Variants in SLC4A1 observed in about 807,000 individuals in gnomAD.
SLC4A1 encodes the protein solute carrier family 4 member 1 (Diego blood group), also known as band 3 anion transport protein.
Under a neutral mutation model 93.1 loss-of-function variants are expected in SLC4A1, and 29 were observed. The observed-to-expected ratio is 0.31, with a 90% confidence interval of 0.23 to 0.42. The LOEUF (loss-of-function observed/expected upper bound fraction) is 0.42, where lower values mean the gene tolerates loss of function less well. SLC4A1 is among the 20% of genes least tolerant of loss of function. The pLI, the probability that SLC4A1 is intolerant of heterozygous loss-of-function variation, is 1.00. For missense variants in SLC4A1, 965 were observed against 1,190.1 expected, an observed-to-expected ratio of 0.81 and a Z score of 2.78; for synonymous variants, 469 against 497.2, an observed-to-expected ratio of 0.94 and a Z score of 0.76.
chr17:44,255,267 G>A lies in SLC4A1; in HGVS notation c.1830C>T (p.Val610=). The part of the protein sequence containing the change: ...KLRRVIGDFG[V]PISILIMVLV... ...GGACCATGATCAGGATGGAGATGGG[G>A]ACCCCGAAGTCCCCGATGACCCGAC... The change falls in exon 15 of 20, where the codon GTC becomes GTT. Residue 610 remains valine (V), a synonymous_variant. Transcript: ENST00000262418. The A allele has an allele frequency of 6.4e-7, 1 of 1,557,736 alleles. No individual in the cohort carries two copies. The highest frequency in any genetic ancestry group is 8.7e-7 in the Non-Finnish European group (1 of 1,150,078).
At chr17:44,251,640 G>A in intron 17 of SLC4A1, 52 bp from the exon 18 acceptor site, 2 of 1,579,716 alleles carry the variant, frequency 1.3e-6, no homozygotes, top group Non-Finnish European at 8.7e-7. Context: ...CCTGGCACCA[G>A]TGGGGGGTCA....
chr17:44,257,590 C>T, intron 12 of SLC4A1, 46 bp from the exon 13 acceptor site: 2 of 1,613,188 alleles, frequency 1.2e-6, no homozygotes, highest in Non-Finnish European at 1.7e-6. Flanking sequence ...GGTCTTGGGG[C>T]AAGGCACCAT....
At chr17:44,252,284 G>A (rs2047350200) in intron 17 of SLC4A1, among the ~76,000 whole-genome samples, 4 of 151,996 alleles carry the variant, frequency 2.6e-5, no homozygotes, top group African/African-American at 7.3e-5. Context: ...ACCTGCCTCA[G>A]TCTCCCAAAG....
At chr17:44,265,202 T>C (rs1471967398) in intron 1 of SLC4A1, among the ~76,000 whole-genome samples, 1 of 151,664 alleles carries the variant, frequency 6.6e-6, no homozygotes, top group Non-Finnish European at 1.5e-5. Context: ...GGAGGCAAAC[T>C]GGGAACACAG....
chr17:44,258,348 G>A lies in SLC4A1; in HGVS notation c.1087+65C>T. 6.6e-7 allele frequency: 1 copy of A among 1,514,706 alleles called. No individual in the cohort carries two copies. The highest frequency in any genetic ancestry group is 2.3e-5 in the East Asian group (1 of 44,346). 93.8% of individuals were successfully genotyped at this position (1,514,706 alleles called of 1,614,324 possible). On this transcript the variant is annotated intron_variant, in intron 10 of 19. Transcript: ENST00000262418. The surrounding 1 kb of genome is among the most constrained non-coding windows in gnomAD (Gnocchi z 6.1). Reference sequence around the variant, plus strand: ...AGGGGAACATGTGATGGGAGACAGAGGCTACGCTGAGGTGTCTGGGGGTCG... The same window carrying A: ...AGGGGAACATGTGATGGGAGACAGAAGCTACGCTGAGGTGTCTGGGGGTCG...
intron 17 of SLC4A1, 50 bp downstream of exon 17, chr17:44,253,068 G>C: frequency 1.3e-6 from 2 of 1,594,060 alleles, no homozygotes; most frequent in Non-Finnish European, 1.7e-6. Flanking sequence ...GGAAGGGGCC[G>C]GGGGTGAGGG....
intron 15 of SLC4A1, 149 bp downstream of exon 15, chr17:44,255,058 A>G (rs1349677901): frequency 1.2e-5 from 8 of 692,844 alleles, no homozygotes; most frequent in Non-Finnish European, 2.1e-5. Context: ...TGAGAAGCAC[A>G]TGGGACTCCC....
At chr17:44,255,335 C>A (rs1329092234) in intron 14 of SLC4A1, 39 bp from the exon 15 acceptor site, 1 of 1,455,378 alleles carries the variant, frequency 6.9e-7, no homozygotes, top group South Asian at 1.2e-5. Flanking sequence ...AGTGCCCAGT[C>A]ACTCCCCACC....
intron 1 of SLC4A1, among the ~76,000 whole-genome samples, chr17:44,263,921 C>T (rs909859032): frequency 6.6e-6 from 1 of 151,876 alleles, no homozygotes; most frequent in African/African-American, 2.4e-5. Context: ...AGGCATGCCA[C>T]AGTGCCCAGG....
chr17:44,251,681 A>G, intron 17 of SLC4A1, 93 bp from the exon 18 acceptor site: 1 of 1,019,336 alleles, frequency 9.8e-7, no homozygotes, highest in Non-Finnish European at 1.5e-6. Flanking sequence ...AATAAAACAC[A>G]GGCACCATAT....
In SLC4A1 at chr17:44,253,387, G is replaced by T. The variant is rs372253617; in HGVS notation, c.2058-16C>A. The T allele has an allele frequency of 7.4e-5, 119 of 1,605,502 alleles. 1 individual carries two copies. The highest frequency in any genetic ancestry group is 9.6e-5 in the Non-Finnish European group (113 of 1,174,096). ...GACAATCAGCCTACGGTAGGGGAAG[G>T]TGAGGGGTAAGCAGGGTTCTCCCCT... is the stretch of plus-strand genomic sequence containing the variant. On this transcript the variant is annotated splice_polypyrimidine_tract_variant and intron_variant, in intron 16 of 19. Coordinates refer to ENST00000262418, the MANE Select transcript of SLC4A1 (RefSeq NM_000342.4).
Position 44,258,334 on chromosome 17 carries a change from T to A in SLC4A1, c.1087+79A>T. The A allele has an allele frequency of 6.8e-6, 10 of 1,460,850 alleles. No homozygotes were observed. The highest frequency in any genetic ancestry group is 9.6e-6 in the Non-Finnish European group (10 of 1,042,814). 90.5% of individuals were successfully genotyped at this position (1,460,850 alleles called of 1,614,324 possible). On this transcript the variant is annotated intron_variant, in intron 10 of 19. Coordinates refer to ENST00000262418, the MANE Select transcript of SLC4A1 (RefSeq NM_000342.4). The surrounding 1 kb of genome is among the most constrained non-coding windows in gnomAD (Gnocchi z 6.1). ...AAGGGAGCGATGAGAGGGGAACATG[T>A]GATGGGAGACAGAGGCTACGCTGAG...
At position 44,251,253 on chromosome 17, in the gene SLC4A1, G is replaced by T. The variant is rs2285644; in HGVS notation, c.2561C>A (p.Pro854Gln). 6.2e-7 allele frequency: 1 copy of T among 1,614,206 alleles called. No individual in the cohort carries two copies. The highest frequency in any genetic ancestry group is 1.7e-5 in the Admixed American group (1 of 60,014). The part of the protein sequence containing the change: ...LAVLWVVKST[P>Q]ASLALPFVLI... Reference sequence around the variant, plus strand: ...GACGAAGGGCAGGGCCAGGGAGGCCGGCGTGGACTTCACCACCCACAGCAC... The same window carrying T: ...GACGAAGGGCAGGGCCAGGGAGGCCTGCGTGGACTTCACCACCCACAGCAC... Residue 854 changes from proline to glutamine, a missense_variant, in exon 19 of 20, where the codon CCG becomes CAG. Physicochemically the swap from Pro to Gln is moderately conservative, Grantham distance 76. Coordinates refer to ENST00000262418, the MANE Select transcript of SLC4A1 (RefSeq NM_000342.4).
Position 44,255,198 on chromosome 17 carries a change from A to C in SLC4A1, c.1890+9T>G, listed in dbSNP as rs1234759245. The C allele has an allele frequency of 1.3e-6, 2 of 1,546,940 alleles. No individual in the cohort carries two copies. The highest frequency in any genetic ancestry group is 4.8e-5 in the East Asian group (2 of 41,392). ...GTATCATGGTCTGAGGGCTGGGAGG[A>C]GGGGTCACCTGGGTGTAGGTATCCT... On this transcript the variant is annotated intron_variant, in intron 15 of 19. Coordinates refer to ENST00000262418, the MANE Select transcript of SLC4A1 (RefSeq NM_000342.4).
At chr17:44,262,804 C>G in intron 2 of SLC4A1, 48 bp downstream of exon 2, 1 of 1,609,182 alleles carries the variant, frequency 6.2e-7, no homozygotes, top group Non-Finnish European at 8.5e-7. Flanking sequence ...AGGACCAGGT[C>G]CCCAGAGCCT....
Position 44,258,435 on chromosome 17 carries a change from G to A in SLC4A1, c.1065C>T (p.Asp355=), listed in dbSNP as rs140406232. The A allele has an allele frequency of 8.2e-5, 132 of 1,613,994 alleles. No homozygotes were observed. The highest frequency in any genetic ancestry group is 1.6e-4 in the Middle Eastern group (1 of 6,082). ...TACCTAGGCCCTTGTAGAAGCTGGA[G>A]TCTGGCTTGGCAGGGCTGGACTGAT... The part of the protein sequence containing the change: ...RRYQSSPAKP[D]SSFYKGLDLN... The change falls in exon 10 of 20, where the codon GAC becomes GAT. Residue 355 remains aspartate (D), a synonymous_variant. Coordinates refer to ENST00000262418, the MANE Select transcript of SLC4A1 (RefSeq NM_000342.4). This position sits in a 1 kb window ranked among gnomAD's most constrained non-coding sequence, Gnocchi z 6.1.
intron 15 of SLC4A1, 42 bp downstream of exon 15, chr17:44,255,165 C>T: frequency 7.1e-7 from 1 of 1,400,802 alleles, no homozygotes; most frequent in Non-Finnish European, 9.9e-7. Flanking sequence ...GAAATGAGGA[C>T]CTGGGGGGTA....
In SLC4A1 at chr17:44,253,367, T is replaced by C. The variant is rs5022; in HGVS notation, c.2062A>G (p.Ile688Val). ...IFLESQITTLIVSKPERKMVK... is the reference protein window; with the variant it reads ...IFLESQITTLVVSKPERKMVK... Reference sequence around the variant, plus strand: ...ATCTTGCGCTCAGGTTTGCTGACAATCAGCCTACGGTAGGGGAAGGTGAGG... The same window carrying C: ...ATCTTGCGCTCAGGTTTGCTGACAACCAGCCTACGGTAGGGGAAGGTGAGG... Residue 688 changes from isoleucine to valine, a missense_variant, in exon 17 of 20, where the codon ATT (isoleucine) becomes GTT (valine). Physicochemically the swap from Ile to Val is conservative, Grantham distance 29. Coordinates refer to ENST00000262418, the MANE Select transcript of SLC4A1 (RefSeq NM_000342.4). The C allele has an allele frequency of 1.9e-6, 3 of 1,611,548 alleles. No individual in the cohort carries two copies. In the African/African-American group the frequency reaches 4.0e-5, roughly 22 times the overall value.
chr17:44,260,383 G>A, intron 6 of SLC4A1, 21 bp downstream of exon 6: 1 of 1,606,558 alleles, frequency 6.2e-7, no homozygotes, highest in South Asian at 1.1e-5. Flanking sequence ...ATGGAATCCA[G>A]GCCCTGGCAG....
Sources: allele counts gnomAD v4.1 joint callset (sites outside exome capture counted in the v4.1 genomes callset), GRCh38; gene constraint gnomAD v4.1.1; non-coding constraint Gnocchi (gnomAD v3.1); transcripts MANE v1.5; gene names NCBI Gene and HGNC (gene_info 2026-07-23, HGNC 2026-07-21).